ZNF765: variants seen among roughly 807,000 people sequenced by gnomAD.
ZNF765 encodes zinc finger protein 765.
A neutral mutation model predicts 44.7 loss-of-function variants in ZNF765; 37 were observed. That is an observed-to-expected ratio of 0.83 (90% CI 0.64 to 1.09). ZNF765 has a LOEUF of 1.09. ZNF765 is among the 50% of genes least tolerant of loss of function. ZNF765 has a pLI of 0.00. For missense variants in ZNF765, 594 were observed against 626.1 expected (o/e 0.95, Z 0.55); for synonymous variants, 201 against 213.7 (o/e 0.94, Z 0.52).
intron 3 of ZNF765, among the ~76,000 whole-genome samples, chr19:53,419,532 G>A (rs950023692): frequency 2.0e-4 from 30 of 152,156 alleles, no homozygotes; most frequent in African/African-American, 7.2e-4. Flanking sequence ...GATAGCAGTT[G>A]TCAGTCTTGA....
At chr19:53,413,691 A>C (rs1053818796), downstream of ZNF765, among the ~76,000 whole-genome samples, 1 of 150,036 alleles carries the variant, frequency 6.7e-6, no homozygotes, top group African/African-American at 2.5e-5. Context: ...GGATTGGCTG[A>C]GACCAGGAGT....
At chr19:53,416,101 T>G (rs571897101), downstream of ZNF765, among the ~76,000 whole-genome samples, 2,064 of 152,130 alleles carry the variant, frequency 0.014, 61 homozygotes, top group African/African-American at 0.047. Context: ...ATTACAGGCG[T>G]GCACCACCGT....
chr19:53,414,195 C>T (rs745962802), downstream of ZNF765, among the ~76,000 whole-genome samples: 27 of 131,408 alleles, frequency 2.1e-4, no homozygotes, highest in Non-Finnish European at 3.4e-4. Context: ...GAGCCGAGAT[C>T]GCGCTACTGC....
intron 3 of ZNF765, among the ~76,000 whole-genome samples, chr19:53,420,823 T>C (rs1370353166): frequency 6.6e-6 from 1 of 152,168 alleles, no homozygotes; most frequent in Non-Finnish European, 1.5e-5. Context: ...CACAATACCC[T>C]GTGGAAGGCC....
chr19:53,415,574 C>T (rs1408352329), downstream of ZNF765, among the ~76,000 whole-genome samples: 2 of 61,910 alleles, frequency 3.2e-5, no homozygotes, highest in Non-Finnish European at 4.9e-5. Context: ...TGTGTATTAA[C>T]TTTCTAATGA....
downstream of ZNF765, among the ~76,000 whole-genome samples, chr19:53,416,892 A>G (rs2147105370): frequency 6.6e-6 from 1 of 151,404 alleles, no homozygotes; most frequent in South Asian, 2.1e-4. Context: ...ATCTCAGCTC[A>G]CTGCAACCTC....
At chr19:53,399,670 A>AT (rs1469532515) in intron 2 of ZNF765, among the ~76,000 whole-genome samples, 3 of 146,662 alleles carry the variant, frequency 2.0e-5, no homozygotes, top group Admixed American at 6.9e-5. Context: ...ACAGATCAAG[A>AT]CTCCATCTCA....
At chr19:53,396,148 C>T (rs2085666895) in intron 1 of ZNF765, among the ~76,000 whole-genome samples, 1 of 151,968 alleles carries the variant, frequency 6.6e-6, no homozygotes, top group Non-Finnish European at 1.5e-5. Context: ...GATTTGGAGC[C>T]AGGGCAGACA....
rs1417987245 is a variant in ZNF765 at position 53,408,845 on chromosome 19, A to G, written c.1290A>G (p.Arg430=). The part of the protein sequence containing the change: ...FNQQLTLNIC[R]LHSGEKPYKC... ...AGCAGTTAACCCTTAACATTTGTAG[A>G]CTTCATAGTGGAGAGAAACCTTACA... The change falls in exon 4 of 4, where the codon AGA becomes AGG. Residue 430 remains arginine (R), a synonymous_variant. Transcript: ENST00000396408. 1.9e-6 allele frequency: 3 copies of G among 1,613,758 alleles called. No homozygotes were observed. Among genetic ancestry groups the G allele is most frequent in the Non-Finnish European group, 2.5e-6 (3 of 1,179,936 alleles).
rs1252142273 is a variant in ZNF765 at position 53,410,661 on chromosome 19, A to G, written c.*1534A>G. ...CGAATCATTGGAGAATCCATAATGA[A>G]GAGAGATCATACTAGTTTAATAAAT... On this transcript the variant is annotated 3_prime_UTR_variant, in exon 4 of 4. Coordinates refer to ENST00000396408, the MANE Select transcript of ZNF765 (RefSeq NM_001040185.3). 2.1e-6 allele frequency: 1 copy of G among 480,900 alleles called. No individual in the cohort carries two copies. The highest frequency in any genetic ancestry group is 2.0e-5 in the African/African-American group (1 of 50,190). The allele number at this position is 480,900 out of a possible 1,614,324, so 29.8% of individuals were successfully genotyped here.
At chr19:53,415,450 T>C (rs1692599927), downstream of ZNF765, among the ~76,000 whole-genome samples, 1 of 152,196 alleles carries the variant, frequency 6.6e-6, no homozygotes, top group African/African-American at 2.4e-5. Context: ...ATTTTAGATA[T>C]TCTATGAAAT....
At chr19:53,424,439 A>C (rs756525778) in exon 4 of ZNF765, 5 of 152,044 alleles carry the variant, frequency 3.3e-5, no homozygotes, top group East Asian at 3.9e-4. Context: ...GCGCCACAGC[A>C]CTCCATTCTG....
At position 53,408,277 on chromosome 19, in the gene ZNF765, A is replaced by G; in HGVS notation, c.722A>G (p.Lys241Arg). The G allele has an allele frequency of 6.2e-7, 1 of 1,614,236 alleles. No homozygotes were observed. The highest frequency in any genetic ancestry group is 8.5e-7 in the Non-Finnish European group (1 of 1,180,026). The change falls in exon 4 of 4, where the codon AAA (lysine) becomes AGA (arginine). Residue 241 changes from lysine to arginine, a missense_variant. Physicochemically the swap from Lys to Arg is conservative, Grantham distance 26. Coordinates refer to ENST00000396408, the MANE Select transcript of ZNF765 (RefSeq NM_001040185.3). Reference protein sequence around the residue: ...RKHQLIHLGEKQYKCDICGKV... With the variant: ...RKHQLIHLGERQYKCDICGKV... ...CATCAGTTAATCCATTTAGGAGAGA[A>G]ACAATATAAATGCGATATATGTGGC...
intron 1 of ZNF765, among the ~76,000 whole-genome samples, chr19:53,395,692 T>C (rs980413114): frequency 4.6e-5 from 7 of 152,158 alleles, no homozygotes; most frequent in African/African-American, 7.2e-5. Flanking sequence ...CAGGTTCGCC[T>C]CCACAGTCAC....
intron 2 of ZNF765, among the ~76,000 whole-genome samples, chr19:53,400,171 C>G (rs1478449490): frequency 6.6e-6 from 1 of 152,132 alleles, no homozygotes; most frequent in Non-Finnish European, 1.5e-5. Context: ...CAAGTAGACG[C>G]CAGTGTCTGT....
downstream of ZNF765, among the ~76,000 whole-genome samples, chr19:53,413,968 C>T (rs1417194993): frequency 1.4e-5 from 2 of 138,220 alleles, no homozygotes; most frequent in East Asian, 2.3e-4. Flanking sequence ...AGGCCGGGCA[C>T]GGTGGCTCAT....
chr19:53,413,184 C>T (rs1163545479), downstream of ZNF765: 15 of 577,704 alleles, frequency 2.6e-5, no homozygotes, highest in South Asian at 8.2e-5. Flanking sequence ...GACTCTGCCT[C>T]TCACCAGATC....
At chr19:53,400,779 T>TATATATATATATATATATATAC (rs1403128731) in intron 2 of ZNF765, among the ~76,000 whole-genome samples, 4 of 96,786 alleles carry the variant, frequency 4.1e-5, no homozygotes, top group Non-Finnish European at 8.5e-5. Flanking sequence ...TATATATATA[T>TATATATATATATATATATATAC]ATATACACAC....
chr19:53,408,720 A>T lies in ZNF765; in HGVS notation c.1165A>T (p.Ser389Cys), dbSNP rs10425136. 2 of 1,613,196 alleles carry T rather than the reference A, an allele frequency of 1.2e-6. No homozygotes were observed. The change falls in exon 4 of 4, where the codon AGC becomes TGC. Residue 389 changes from serine to cysteine, a missense_variant. Physicochemically the swap from Ser to Cys is moderately radical, Grantham distance 112. Transcript: ENST00000396408. The stretch of plus-strand genomic sequence containing the variant: ...GAAACCTTACAAGTGTAATGAGTGT[A>T]GCAAGACCTTTAGTCACAAGTCATC... ...GEKPYKCNEC[S>C]KTFSHKSSLT...
Sources: allele counts gnomAD v4.1 joint callset (sites outside exome capture counted in the v4.1 genomes callset), GRCh38; gene constraint gnomAD v4.1.1; transcripts MANE v1.5; gene names NCBI Gene and HGNC (gene_info 2026-07-23, HGNC 2026-07-21).